KLHL20: variants seen among roughly 807,000 people sequenced by gnomAD.
KLHL20 encodes kelch like family member 20, also known as kelch-like protein 20.
KLHL20 carries 29 observed loss-of-function variants against 69.5 expected under a neutral mutation model. That is an observed-to-expected ratio of 0.42 (90% CI 0.31 to 0.57). KLHL20 has a LOEUF of 0.57. Ranked by LOEUF, KLHL20 falls within the 20% of genes least tolerant of loss-of-function variation. KLHL20 has a pLI of 0.18. For synonymous variants in KLHL20, 253 were observed against 265.2 expected, an observed-to-expected ratio of 0.95 and a Z score of 0.45; for missense variants, 419 against 776.0, an observed-to-expected ratio of 0.54 and a Z score of 5.47.
At chr1:173,779,897 T>C (rs764466722) in intron 10 of KLHL20, among the ~76,000 whole-genome samples, 2 of 152,186 alleles carry the variant, frequency 1.3e-5, no homozygotes, top group African/African-American at 2.4e-5. Flanking sequence ...CTGGGACATG[T>C]TCTAGACCAT....
At chr1:173,772,298 G>A (rs897878174) in intron 8 of KLHL20, among the ~76,000 whole-genome samples, 17 of 152,290 alleles carry the variant, frequency 1.1e-4, no homozygotes, top group Admixed American at 7.8e-4. Flanking sequence ...GTCAAAGACC[G>A]CTAAGAGTCA....
chr1:173,742,190 G>T lies in KLHL20; in HGVS notation c.597+7904G>T, dbSNP rs1001369837. ...TCAAAGTAACATTTTTTATCTATCA[G>T]ATTACAAATATCCAGAAGTTTTGTA... On this transcript the variant is annotated intron_variant, in intron 3 of 11. Transcript: ENST00000209884. 2.0e-5 allele frequency among the ~76,000 whole-genome samples: 3 copies of T among 152,126 alleles called. No individual in the cohort carries two copies. In the East Asian group the frequency reaches 5.8e-4, roughly 29 times the overall value.
At chr1:173,753,340 A>G in intron 5 of KLHL20, 33 bp downstream of exon 5, 1 of 1,472,646 alleles carries the variant, frequency 6.8e-7, no homozygotes, top group Non-Finnish European at 9.5e-7. Flanking sequence ...AAAATCAACA[A>G]CTAAGCATTC....
intron 3 of KLHL20, among the ~76,000 whole-genome samples, chr1:173,742,644 CGTGT>C (rs576670852): frequency 6.7e-6 from 1 of 149,512 alleles, no homozygotes; most frequent in Non-Finnish European, 1.5e-5. Context: ...CGTGTATATA[CGTGT>C]ATGTATATAC....
chr1:173,747,577 G>A (rs1181559372), intron 3 of KLHL20, among the ~76,000 whole-genome samples: 2 of 151,940 alleles, frequency 1.3e-5, no homozygotes, highest in East Asian at 3.9e-4. Flanking sequence ...GTGGAACTGA[G>A]TTTTGCTTTA....
chr1:173,759,674 G>T lies in KLHL20; in HGVS notation c.1151+2515G>T, dbSNP rs538902945. Among the ~76,000 whole-genome samples the T allele has an allele frequency of 2.0e-5, 3 of 152,314 alleles. No homozygotes were observed. The East Asian group carries it at 5.8e-4, about 29-fold the overall frequency. On this transcript the variant is annotated intron_variant, in intron 7 of 11. Transcript: ENST00000209884. ...GAAGCCACATCCATAGGAAAAGAGAGAGAATACTACATCAAGGGAACACTT... is the reference window on the plus strand; with the variant it reads ...GAAGCCACATCCATAGGAAAAGAGATAGAATACTACATCAAGGGAACACTT...
chr1:173,768,720 T>C (rs1225425717), intron 8 of KLHL20, among the ~76,000 whole-genome samples: 1 of 152,246 alleles, frequency 6.6e-6, no homozygotes, highest in Non-Finnish European at 1.5e-5. Context: ...AGTTAAAACA[T>C]GGTTAAGATG....
At chr1:173,762,667 C>T (rs746403244) in intron 7 of KLHL20, among the ~76,000 whole-genome samples, 14 of 152,172 alleles carry the variant, frequency 9.2e-5, no homozygotes, top group East Asian at 5.8e-4. Context: ...AAAAAGCATT[C>T]GACAAAACCC....
chr1:173,718,387 A>C (rs1044374960), intron 2 of KLHL20, among the ~76,000 whole-genome samples: 1 of 151,930 alleles, frequency 6.6e-6, no homozygotes, highest in Non-Finnish European at 1.5e-5. Context: ...AAAAGGAAAC[A>C]AGAAAAATTT....
chr1:173,785,315 C>CAG lies in KLHL20; in HGVS notation c.*69_*70dup. The CAG allele has an allele frequency of 9.2e-7, 1 of 1,085,028 alleles. No individual in the cohort carries two copies. Among genetic ancestry groups the CAG allele is most frequent in the Admixed American group, 2.8e-5 (1 of 35,928 alleles). 67.2% of individuals were successfully genotyped at this position (1,085,028 alleles called of 1,614,324 possible). A position where few individuals can be genotyped will look rare whatever the true frequency, so the allele number is the denominator to read the frequency against. On this transcript the variant is annotated 3_prime_UTR_variant, in exon 12 of 12. Coordinates refer to ENST00000209884, the MANE Select transcript of KLHL20 (RefSeq NM_014458.4). ...GGAGCTTTGACCTTGGAGCTTTGTA[C>CAG]AGCTTGAGAAAACATTAGAACAAAT...
intron 3 of KLHL20, chr1:173,741,667 A>G: frequency 1.4e-6 from 1 of 738,358 alleles, no homozygotes; most frequent in South Asian, 3.7e-5. Context: ...TGACCTTCCC[A>G]CAAGAACATG....
intron 2 of KLHL20, among the ~76,000 whole-genome samples, chr1:173,731,103 GAC>G (rs1464313432): frequency 1.3e-5 from 2 of 152,096 alleles, no homozygotes; most frequent in African/African-American, 2.4e-5. Context: ...GCAGCCAAAA[GAC>G]ACATGAAAAA....
chr1:173,746,448 A>G (rs1051945269), intron 3 of KLHL20, among the ~76,000 whole-genome samples: 1 of 152,070 alleles, frequency 6.6e-6, no homozygotes, highest in Non-Finnish European at 1.5e-5. Flanking sequence ...TGTTTCTTCT[A>G]TGAAATTTTC....
At chr1:173,747,103 G>A (rs988015127) in intron 3 of KLHL20, among the ~76,000 whole-genome samples, 2 of 151,506 alleles carry the variant, frequency 1.3e-5, no homozygotes, top group Admixed American at 6.6e-5. Context: ...TGCTTTCTTG[G>A]TAACCTAATA....
intron 2 of KLHL20, among the ~76,000 whole-genome samples, chr1:173,721,655 A>G (rs1671720820): frequency 6.6e-6 from 1 of 152,348 alleles, no homozygotes; most frequent in African/African-American, 2.4e-5. Flanking sequence ...ATTTTATCCA[A>G]TAAGCCGTGA....
At position 173,747,732 on chromosome 1, in the gene KLHL20, A is replaced by C. The variant is rs575129852; in HGVS notation, c.598-4032A>C. On this transcript the variant is annotated intron_variant, in intron 3 of 11. Coordinates refer to ENST00000209884, the MANE Select transcript of KLHL20 (RefSeq NM_014458.4). Reference sequence around the variant, plus strand: ...TTATATTTACTGTATTTCTTTTTCTATGTGGAATCTTCTTTGCTTTTTATT... The same window carrying C: ...TTATATTTACTGTATTTCTTTTTCTCTGTGGAATCTTCTTTGCTTTTTATT... 2.0e-5 allele frequency among the ~76,000 whole-genome samples: 3 copies of C among 151,908 alleles called. No individual in the cohort carries two copies. In the East Asian group the frequency reaches 5.8e-4, roughly 29 times the overall value.
At position 173,786,044 on chromosome 1, in the gene KLHL20, T is replaced by G. The variant is rs1459556730; in HGVS notation, c.*797T>G. The G allele has an allele frequency of 6.6e-6, 1 of 152,222 alleles. No homozygotes were observed. The allele number at this position is 152,222 out of a possible 1,614,324, so 9.4% of individuals were successfully genotyped here. A position where few individuals can be genotyped will look rare whatever the true frequency, so the allele number is the denominator to read the frequency against. On this transcript the variant is annotated 3_prime_UTR_variant, in exon 12 of 12. Transcript: ENST00000209884. ...TCACATGCAGCTCTGCAACAGTTTT[T>G]GCTCAAAAATGTTACTGACTAAAGC...
chr1:173,727,387 G>A (rs1672027838), intron 2 of KLHL20, among the ~76,000 whole-genome samples: 2 of 152,098 alleles, frequency 1.3e-5, no homozygotes, highest in African/African-American at 2.4e-5. Context: ...TCAAATTCAG[G>A]AAATACAGAG....
intron 2 of KLHL20, among the ~76,000 whole-genome samples, chr1:173,729,232 T>C (rs965730722): frequency 8.5e-5 from 13 of 152,146 alleles, no homozygotes; most frequent in African/African-American, 2.9e-4. Context: ...CAATAATTAA[T>C]AGCTTACCAA....
Sources: gnomAD v4.1 joint callset for allele counts (sites outside exome capture counted in the v4.1 genomes callset) on GRCh38, gnomAD v4.1.1 for gene constraint, MANE v1.5 for transcripts, NCBI Gene and HGNC (gene_info 2026-07-23, HGNC 2026-07-21) for gene names.